The following CSMD3 variants were observed in gnomAD, a reference collection of about 807,000 sequenced individuals.
The protein encoded by CSMD3 is CUB and sushi domain-containing protein 3.
A neutral mutation model predicts 435.2 loss-of-function variants in CSMD3; 177 were observed. The observed-to-expected ratio is 0.41, with a 90% CI of 0.36 to 0.46. The LOEUF (loss-of-function observed/expected upper bound fraction) is 0.46, where lower values mean the gene tolerates loss of function less well. CSMD3 is among the 20% of genes least tolerant of loss of function. The probability of loss-of-function intolerance (pLI) is 0.34; values close to 1 mark genes in which losing one functional copy is unlikely to be tolerated. For synonymous variants in CSMD3, 1,656 were observed against 1,520.5 expected, an observed-to-expected ratio of 1.09 and a Z score of -2.07; for missense variants, 4,265 against 4,504.6, an observed-to-expected ratio of 0.95 and a Z score of 1.52.
At chr8:112,392,422 G>T (rs1830497060) in intron 35 of CSMD3, among the ~76,000 whole-genome samples, 1 of 151,452 alleles carries the variant, frequency 6.6e-6, no homozygotes. Context: ...TCTGTAAATG[G>T]GTTATATACA....
At chr8:113,339,947 T>C (rs754133111) in intron 1 of CSMD3, among the ~76,000 whole-genome samples, 1 of 152,096 alleles carries the variant, frequency 6.6e-6, no homozygotes, top group African/African-American at 2.4e-5. Flanking sequence ...AATTAGTGCC[T>C]GTACTTATAA....
intron 1 of CSMD3, among the ~76,000 whole-genome samples, chr8:113,336,427 T>C (rs2094075522): frequency 6.6e-6 from 1 of 152,178 alleles, no homozygotes; most frequent in Non-Finnish European, 1.5e-5. Flanking sequence ...CATCTAGGGT[T>C]GGCATCCAAT....
intron 35 of CSMD3, among the ~76,000 whole-genome samples, chr8:112,396,089 G>A (rs1249470955): frequency 2.6e-5 from 4 of 151,960 alleles, no homozygotes; most frequent in Non-Finnish European, 4.4e-5. Context: ...CAACAGTTTA[G>A]TTTTAGTATG....
intron 13 of CSMD3, among the ~76,000 whole-genome samples, chr8:112,740,086 T>C (rs1421551521): frequency 3.3e-5 from 5 of 151,786 alleles, no homozygotes; most frequent in Non-Finnish European, 5.9e-5. Flanking sequence ...AGGTTGGGCA[T>C]TTCCAAAATA....
chr8:112,912,482 A>G (rs2082451228), intron 10 of CSMD3, among the ~76,000 whole-genome samples: 1 of 151,898 alleles, frequency 6.6e-6, no homozygotes, highest in African/African-American at 2.4e-5. Flanking sequence ...CGTTTCAATT[A>G]ATGGTACTGG....
chr8:113,174,676 A>G (rs201934121), intron 3 of CSMD3, among the ~76,000 whole-genome samples: 1 of 151,990 alleles, frequency 6.6e-6, no homozygotes, highest in East Asian at 1.9e-4. Flanking sequence ...GATTAAATGA[A>G]AAAATTTTTT....
intron 13 of CSMD3, among the ~76,000 whole-genome samples, chr8:112,716,246 G>A (rs780281090): frequency 2.6e-4 from 39 of 152,100 alleles, no homozygotes; most frequent in African/African-American, 6.3e-4. Context: ...CAAAATCAAC[G>A]TGCAAAAATC....
intron 32 of CSMD3, among the ~76,000 whole-genome samples, chr8:112,412,144 G>C (rs1811417937): frequency 6.6e-6 from 1 of 151,726 alleles, no homozygotes; most frequent in Non-Finnish European, 1.5e-5. Context: ...ATCTTACTGG[G>C]TTTCTCATTA....
At chr8:112,739,164 T>G (rs2077248927) in intron 13 of CSMD3, among the ~76,000 whole-genome samples, 1 of 151,766 alleles carries the variant, frequency 6.6e-6, no homozygotes, top group South Asian at 2.1e-4. Flanking sequence ...TAACCATGAA[T>G]GTTAAAAAAT....
intron 11 of CSMD3, among the ~76,000 whole-genome samples, chr8:112,846,113 A>G (rs1009860132): frequency 1.1e-4 from 17 of 151,898 alleles, no homozygotes; most frequent in Admixed American, 2.0e-4. Flanking sequence ...AATGAAGCAT[A>G]TATCTTATTT....
chr8:112,483,018 C>T (rs1427889303), intron 31 of CSMD3, among the ~76,000 whole-genome samples: 1 of 152,104 alleles, frequency 6.6e-6, no homozygotes, highest in Non-Finnish European at 1.5e-5. Context: ...AGCATAGTAC[C>T]TGTTTTTATA....
chr8:112,233,595 G>A (rs1813291476), intron 68 of CSMD3, among the ~76,000 whole-genome samples: 1 of 151,980 alleles, frequency 6.6e-6, no homozygotes, highest in South Asian at 2.1e-4. Flanking sequence ...CTTATTGAAG[G>A]CTTATTGAAA....
chr8:113,263,652 A>G (rs2093444887), intron 3 of CSMD3, among the ~76,000 whole-genome samples: 1 of 151,860 alleles, frequency 6.6e-6, no homozygotes, highest in South Asian at 2.1e-4. Context: ...AGATTTTGAT[A>G]GCAATTTCTC....
intron 1 of CSMD3, among the ~76,000 whole-genome samples, chr8:113,407,727 A>G (rs1200514495): frequency 6.6e-6 from 1 of 152,144 alleles, no homozygotes; most frequent in South Asian, 2.1e-4. Context: ...AAGACAACAC[A>G]GACCATCGTA....
At chr8:112,490,020 T>C (rs541196292) in intron 31 of CSMD3, among the ~76,000 whole-genome samples, 12 of 152,294 alleles carry the variant, frequency 7.9e-5, no homozygotes, top group South Asian at 4.1e-4. Flanking sequence ...ATGACAGAAG[T>C]ATACTAGTTA....
chr8:112,686,235 T>C (rs1280803627), intron 14 of CSMD3, among the ~76,000 whole-genome samples: 1 of 152,158 alleles, frequency 6.6e-6, no homozygotes, highest in Non-Finnish European at 1.5e-5. Flanking sequence ...AATAAGGAGA[T>C]AAACTAACTT....
At chr8:112,328,722 A>G (rs551216777) in intron 45 of CSMD3, among the ~76,000 whole-genome samples, 1 of 152,190 alleles carries the variant, frequency 6.6e-6, no homozygotes, top group South Asian at 2.1e-4. Flanking sequence ...TACTGTTCTC[A>G]TGAGAGTGAG....
intron 1 of CSMD3, among the ~76,000 whole-genome samples, chr8:113,398,657 T>G (rs1426553320): frequency 6.6e-6 from 1 of 152,150 alleles, no homozygotes; most frequent in East Asian, 1.9e-4. Context: ...TGCATTACTT[T>G]ACTGTTCTTC....
rs774602764 is a variant in CSMD3 at position 112,518,629 on chromosome 8, T to TGTGAGA, written c.4565-1405_4565-1404insTCTCAC. ...AATGGTGTGTGTGTGTGTGTGTGTGTGAGAGAGAGAGAGAGAGAGAGAGAG... is the reference window on the plus strand; with the variant it reads ...AATGGTGTGTGTGTGTGTGTGTGTGTGTGAGAGAGAGAGAGAGAGAGAGAGAGAGAG... On this transcript the variant is annotated intron_variant, in intron 27 of 70. Transcript: ENST00000297405. Among the ~76,000 whole-genome samples the TGTGAGA allele has an allele frequency of 2.5e-3, 309 of 124,208 alleles. 1 individual carries two copies. The highest frequency in any genetic ancestry group is 8.1e-3 in the African/African-American group (281 of 34,862). The allele number at this position is 124,208 out of a possible 152,430, so 81.5% of individuals were successfully genotyped here.
Sources: allele counts gnomAD v4.1 joint callset (sites outside exome capture counted in the v4.1 genomes callset), GRCh38; gene constraint gnomAD v4.1.1; transcripts MANE v1.5; gene names NCBI Gene and HGNC (gene_info 2026-07-23, HGNC 2026-07-21).